OPCML: variants seen among roughly 807,000 people sequenced by gnomAD.
The protein encoded by OPCML is opioid-binding protein/cell adhesion molecule.
Under a neutral mutation model 37.8 loss-of-function variants are expected in OPCML, and 13 were observed. The ratio of observed to expected loss-of-function variants is 0.34; its 90% confidence interval spans 0.22 to 0.55. OPCML has a LOEUF of 0.55. Among genes scored for constraint, OPCML ranks in the 20% least tolerant of loss-of-function variants. The pLI is 0.91. For missense variants in OPCML, 341 were observed against 435.6 expected, an observed-to-expected ratio of 0.78 and a Z score of 1.93; for synonymous variants, 176 against 168.8, an observed-to-expected ratio of 1.04 and a Z score of -0.33.
intron 4 of OPCML, among the ~76,000 whole-genome samples, chr11:132,478,028 G>T (rs1303188376): frequency 1.3e-5 from 2 of 152,110 alleles, no homozygotes; most frequent in African/African-American, 2.4e-5. Flanking sequence ...ATAATGGAAG[G>T]TATTTAAAGT....
At chr11:132,839,766 C>T (rs1941208753) in intron 2 of OPCML, among the ~76,000 whole-genome samples, 2 of 152,274 alleles carry the variant, frequency 1.3e-5, no homozygotes, top group South Asian at 2.1e-4. Flanking sequence ...AATATGGTTG[C>T]TTTTTCAATT....
intron 2 of OPCML, among the ~76,000 whole-genome samples, chr11:132,842,788 A>G (rs1941353309): frequency 2.0e-5 from 3 of 152,160 alleles, no homozygotes; most frequent in Admixed American, 6.5e-5. Context: ...TTAAAGCTGA[A>G]TCCCATCTTG....
intron 1 of OPCML, among the ~76,000 whole-genome samples, chr11:133,125,930 C>T (rs946113986): frequency 4.2e-5 from 6 of 143,126 alleles, no homozygotes; most frequent in African/African-American, 1.3e-4. Context: ...ATAGTATATA[C>T]ACATGTATAT....
intron 1 of OPCML, among the ~76,000 whole-genome samples, chr11:133,340,608 C>CTGTGTG (rs5795838): frequency 6.9e-4 from 96 of 139,516 alleles, no homozygotes; most frequent in South Asian, 1.8e-3. Flanking sequence ...AAGACTCTCT[C>CTGTGTG]TGTGTGTGTG....
intron 3 of OPCML, among the ~76,000 whole-genome samples, chr11:132,642,000 G>A (rs777033787): frequency 6.6e-6 from 1 of 152,152 alleles, no homozygotes; most frequent in Non-Finnish European, 1.5e-5. Context: ...AGAATAGGCC[G>A]ATATTTAATT....
intron 1 of OPCML, among the ~76,000 whole-genome samples, chr11:133,395,738 T>G (rs1326264931): frequency 6.6e-6 from 1 of 152,178 alleles, no homozygotes; most frequent in Non-Finnish European, 1.5e-5. Context: ...GTTCCATTGG[T>G]CTATGTATCT....
At chr11:133,081,755 C>T (rs1261057854) in intron 1 of OPCML, among the ~76,000 whole-genome samples, 2 of 152,258 alleles carry the variant, frequency 1.3e-5, no homozygotes, top group Non-Finnish European at 1.5e-5. Context: ...CCAGAATCTC[C>T]TTCTAGAAGG....
At chr11:133,118,519 T>C in intron 1 of OPCML, 1 of 641,758 alleles carries the variant, frequency 1.6e-6, no homozygotes, top group Non-Finnish European at 1.9e-6. Flanking sequence ...AATTGCTCAG[T>C]AGCAAGACTC....
intron 1 of OPCML, among the ~76,000 whole-genome samples, chr11:132,953,172 C>G (rs1257220333): frequency 6.6e-6 from 1 of 152,078 alleles, no homozygotes. Flanking sequence ...ATTGCAAGGT[C>G]CCCGAGAACA....
At chr11:133,045,944 C>T (rs1449011422) in intron 1 of OPCML, among the ~76,000 whole-genome samples, 2 of 152,190 alleles carry the variant, frequency 1.3e-5, no homozygotes, top group African/African-American at 4.8e-5. Context: ...AAGTCGTTGA[C>T]AGTCAGTAGG....
chr11:132,446,886 C>T (rs1165639114), intron 4 of OPCML, among the ~76,000 whole-genome samples: 1 of 152,110 alleles, frequency 6.6e-6, no homozygotes, highest in Non-Finnish European at 1.5e-5. Flanking sequence ...CCTACTCAAG[C>T]ACAGCCAGTC....
intron 7 of OPCML, among the ~76,000 whole-genome samples, chr11:132,425,278 T>A (rs902603980): frequency 2.6e-5 from 4 of 151,596 alleles, no homozygotes; most frequent in Admixed American, 1.3e-4. Context: ...ATATTTTTTT[T>A]AAACCATCAG....
intron 1 of OPCML, among the ~76,000 whole-genome samples, chr11:133,044,279 AT>A (rs1382848242): frequency 3.9e-5 from 6 of 152,170 alleles, no homozygotes; most frequent in African/African-American, 1.4e-4. Flanking sequence ...AAGATAGTAA[AT>A]GTAGAGATTC....
intron 1 of OPCML, among the ~76,000 whole-genome samples, chr11:133,525,424 A>C (rs1481718939): frequency 6.6e-6 from 1 of 152,212 alleles, no homozygotes; most frequent in Non-Finnish European, 1.5e-5. Flanking sequence ...GCTGGAGATG[A>C]AGCTAGATGA....
intron 1 of OPCML, among the ~76,000 whole-genome samples, chr11:133,249,957 G>C (rs576923289): frequency 6.2e-4 from 95 of 152,294 alleles, no homozygotes; most frequent in African/African-American, 2.2e-3. Flanking sequence ...CACAATTCAG[G>C]TTACTCTCCA....
At position 133,281,207 on chromosome 11, in the gene OPCML, G is replaced by A. The variant is rs147473000; in HGVS notation, c.61+251057C>T. On this transcript the variant is annotated intron_variant, in intron 1 of 7. Transcript: ENST00000524381. ...TGGTGATATGGTTTGGATATTTGTCGCCTCCAAACCTCATGTTGAAATATG... is the reference window on the plus strand; with the variant it reads ...TGGTGATATGGTTTGGATATTTGTCACCTCCAAACCTCATGTTGAAATATG... Among the ~76,000 whole-genome samples the A allele has an allele frequency of 5.3e-3, 812 of 152,250 alleles. 13 individuals carry two copies. Among genetic ancestry groups the A allele is most frequent in the African/African-American group, 0.018 (758 of 41,574 alleles).
intron 2 of OPCML, among the ~76,000 whole-genome samples, chr11:132,885,320 G>A (rs528944269): frequency 3.7e-4 from 57 of 152,166 alleles, no homozygotes; most frequent in Non-Finnish European, 6.0e-4. Flanking sequence ...CAAGTGTTCA[G>A]TCATCTAAAA....
At chr11:132,674,339 C>T (rs1317657973) in intron 2 of OPCML, among the ~76,000 whole-genome samples, 1 of 152,162 alleles carries the variant, frequency 6.6e-6, no homozygotes, top group Non-Finnish European at 1.5e-5. Flanking sequence ...AAACAGGAAG[C>T]ATTTAAATCT....
chr11:133,235,876 G>C (rs1565521350), intron 1 of OPCML, among the ~76,000 whole-genome samples: 1 of 152,180 alleles, frequency 6.6e-6, no homozygotes, highest in Non-Finnish European at 1.5e-5. Flanking sequence ...ACTGTGAAAT[G>C]GGAGGGTTGG....
Sources: gnomAD v4.1 joint callset for allele counts (sites outside exome capture counted in the v4.1 genomes callset) on GRCh38, gnomAD v4.1.1 for gene constraint, MANE v1.5 for transcripts, NCBI Gene and HGNC (gene_info 2026-07-23, HGNC 2026-07-21) for gene names.